ST3GAL3: variants seen among roughly 807,000 people sequenced by gnomAD.
ST3GAL3 encodes the protein ST3 beta-galactoside alpha-2,3-sialyltransferase 3, also known as CMP-N-acetylneuraminate-beta-1,4-galactoside alpha-2,3-sialyltransferase.
A neutral mutation model predicts 50.1 loss-of-function variants in ST3GAL3; 21 were observed. The observed-to-expected ratio is 0.42, with a 90% CI of 0.30 to 0.60. The LOEUF is 0.60. ST3GAL3 is among the 20% of genes least tolerant of loss of function. The pLI is 0.19. For synonymous variants in ST3GAL3, 183 were observed against 190.0 expected (o/e 0.96, Z 0.30); for missense variants, 353 against 489.4 (o/e 0.72, Z 2.63).
At chr1:43,815,971 A>C (rs534004618) in intron 4 of ST3GAL3, among the ~76,000 whole-genome samples, 1 of 152,110 alleles carries the variant, frequency 6.6e-6, no homozygotes, top group South Asian at 2.1e-4. Context: ...TTTGACAAGC[A>C]TGCCTTGAGT....
chr1:43,726,397 C>T (rs932387229), intron 1 of ST3GAL3, among the ~76,000 whole-genome samples: 2 of 151,846 alleles, frequency 1.3e-5, no homozygotes, highest in African/African-American at 4.8e-5. Flanking sequence ...AGTAATCCTC[C>T]CTCCTCAGCC....
In ST3GAL3 at chr1:43,893,571, C is replaced by T. The variant is rs76953623; in HGVS notation, c.303-812C>T. Among the ~76,000 whole-genome samples the T allele has an allele frequency of 3.5e-3, 540 of 152,292 alleles. 5 individuals are homozygous for T. The highest frequency in any genetic ancestry group is 0.013 in the African/African-American group (521 of 41,560). On this transcript the variant is annotated intron_variant, in intron 5 of 11. Transcript: ENST00000347631. ...CAGACTTCGTCTCCTCCTCCCCAAG[C>T]CTGTCCCCTCCCTGCCCATTCCAAG...
chr1:43,850,948 A>C, intron 5 of ST3GAL3: 1 of 1,048,846 alleles, frequency 9.5e-7, no homozygotes, highest in Non-Finnish European at 1.5e-6. Context: ...TTCCTGTAGA[A>C]GATCGTGCGG....
intron 9 of ST3GAL3, among the ~76,000 whole-genome samples, chr1:43,903,056 A>G (rs959996664): frequency 6.6e-6 from 1 of 152,176 alleles, no homozygotes; most frequent in Non-Finnish European, 1.5e-5. Context: ...TGGACCCTGA[A>G]GGAAGAGTTA....
intron 5 of ST3GAL3, chr1:43,851,339 G>C (rs1220111485): frequency 7.8e-6 from 12 of 1,545,782 alleles, no homozygotes; most frequent in Non-Finnish European, 8.9e-6. Context: ...GCACCCATGG[G>C]TTTCCACCAG....
intron 2 of ST3GAL3, among the ~76,000 whole-genome samples, chr1:43,774,515 C>T (rs1696461532): frequency 6.6e-6 from 1 of 152,062 alleles, no homozygotes; most frequent in Non-Finnish European, 1.5e-5. Context: ...GATAGGGGCC[C>T]AGCAAAAGAA....
intron 3 of ST3GAL3, among the ~76,000 whole-genome samples, chr1:43,798,772 T>C (rs1558346034): frequency 2.0e-5 from 3 of 152,206 alleles, no homozygotes; most frequent in South Asian, 2.1e-4. Context: ...CCTACTAAAA[T>C]GTAGGCTTCA....
At chr1:43,741,456 A>G (rs1680890208) in intron 2 of ST3GAL3, among the ~76,000 whole-genome samples, 1 of 152,228 alleles carries the variant, frequency 6.6e-6, no homozygotes, top group South Asian at 2.1e-4. Flanking sequence ...TATGCATTCA[A>G]ATTATAAAGT....
At chr1:43,898,730 T>C (rs890069559) in intron 7 of ST3GAL3, among the ~76,000 whole-genome samples, 1 of 152,142 alleles carries the variant, frequency 6.6e-6, no homozygotes, top group Admixed American at 6.5e-5. Context: ...TAGTGGCTGC[T>C]GGGAGCCTTG....
intron 4 of ST3GAL3, among the ~76,000 whole-genome samples, chr1:43,818,890 TAAG>T (rs916121026): frequency 6.6e-6 from 1 of 152,136 alleles, no homozygotes; most frequent in African/African-American, 2.4e-5. Flanking sequence ...AGGTAAGACA[TAAG>T]AAATTATTTA....
chr1:43,730,248 C>T (rs891556966), intron 1 of ST3GAL3, among the ~76,000 whole-genome samples: 7 of 152,324 alleles, frequency 4.6e-5, no homozygotes, highest in South Asian at 2.1e-4. Context: ...AAAAGAATGG[C>T]TGCATCTGTT....
Position 43,915,195 on chromosome 1 carries a change from G to A in ST3GAL3, c.745-5209G>A, listed in dbSNP as rs564426276. 4.8e-4 allele frequency among the ~76,000 whole-genome samples: 73 copies of A among 152,276 alleles called. 1 individual carries two copies. The South Asian group carries it at 9.5e-3, about 20-fold the overall frequency. ...GACAATCCACCAAAGGAGCAGCAGCGGAAGACGCTGAAGAGCTGCTGGTCA... is the reference window on the plus strand; with the variant it reads ...GACAATCCACCAAAGGAGCAGCAGCAGAAGACGCTGAAGAGCTGCTGGTCA... On this transcript the variant is annotated intron_variant, in intron 9 of 11. Transcript: ENST00000347631.
At chr1:43,758,215 A>G (rs11579637) in intron 2 of ST3GAL3, among the ~76,000 whole-genome samples, 46,959 of 149,282 alleles carry the variant, frequency 0.31, 9,027 homozygotes, top group East Asian at 0.54. Flanking sequence ...TGGCATTATA[A>G]AAACAGAAGA....
At chr1:43,836,504 C>T (rs2064349619) in intron 4 of ST3GAL3, among the ~76,000 whole-genome samples, 1 of 152,248 alleles carries the variant, frequency 6.6e-6, no homozygotes, top group African/African-American at 2.4e-5. Context: ...TCAGACATGA[C>T]ACACACTAGG....
chr1:43,716,588 A>G (rs1667501566), intron 1 of ST3GAL3: 1 of 152,200 alleles, frequency 6.6e-6, no homozygotes, highest in Non-Finnish European at 1.5e-5. Flanking sequence ...TACGGAACTA[A>G]CCATATTGAT....
intron 1 of ST3GAL3, among the ~76,000 whole-genome samples, chr1:43,734,520 G>A (rs1030319202): frequency 2.6e-5 from 4 of 151,790 alleles, no homozygotes; most frequent in African/African-American, 9.7e-5. Context: ...ATGTTGCCTA[G>A]GCTGGCCTCA....
intron 5 of ST3GAL3, among the ~76,000 whole-genome samples, chr1:43,884,516 G>C (rs1049143264): frequency 8.5e-5 from 13 of 152,188 alleles, no homozygotes; most frequent in African/African-American, 2.9e-4. Flanking sequence ...TAGATCCCAA[G>C]CAAGACCATG....
In ST3GAL3 at chr1:43,736,313, T is replaced by G. The variant is rs752739059; in HGVS notation, c.51T>G (p.Phe17Leu). The change falls in exon 2 of 12, where the codon TTT becomes TTG. Residue 17 changes from phenylalanine (F) to leucine (L), a missense_variant. Coordinates refer to ENST00000347631, the MANE Select transcript of ST3GAL3 (RefSeq NM_006279.5). ...VRNLLLALCL[F>L]LVLGFLYYSA... Reference sequence around the variant, plus strand: ...ATCTGCTGCTAGCCCTCTGCCTCTTTCTGGTACTGGGATTTTTGTATTATT... The same window carrying G: ...ATCTGCTGCTAGCCCTCTGCCTCTTGCTGGTACTGGGATTTTTGTATTATT... 1.9e-6 allele frequency: 3 copies of G among 1,614,190 alleles called. No individual in the cohort carries two copies. The highest frequency in any genetic ancestry group is 2.5e-6 in the Non-Finnish European group (3 of 1,180,036).
At chr1:43,857,239 G>T (rs931348842) in intron 5 of ST3GAL3, among the ~76,000 whole-genome samples, 1 of 152,142 alleles carries the variant, frequency 6.6e-6, no homozygotes, top group East Asian at 1.9e-4. Flanking sequence ...GTGTGCTATA[G>T]AATCAAAAGT....
Sources: allele counts gnomAD v4.1 joint callset (sites outside exome capture counted in the v4.1 genomes callset), GRCh38; gene constraint gnomAD v4.1.1; transcripts MANE v1.5; gene names NCBI Gene and HGNC (gene_info 2026-07-23, HGNC 2026-07-21).